The following SHLD2 variants were observed in gnomAD, a reference collection of about 807,000 sequenced individuals.
SHLD2 encodes RINN1-REV7-interacting novel NHEJ regulator 2.
Under a neutral mutation model 73.2 loss-of-function variants are expected in SHLD2, and 30 were observed. The observed-to-expected ratio is 0.41, with a 90% CI of 0.31 to 0.56. SHLD2 has a LOEUF of 0.56. Ranked by LOEUF, SHLD2 falls within the 20% of genes least tolerant of loss-of-function variation. The probability of loss-of-function intolerance (pLI) is 0.28; values close to 1 mark genes in which losing one functional copy is unlikely to be tolerated. For synonymous variants in SHLD2, 285 were observed against 370.1 expected (o/e 0.77, Z 2.64); for missense variants, 745 against 1,055.9 (o/e 0.71, Z 4.08).
chr10:87,134,910 G>T (rs927132492), intron 2 of SHLD2, among the ~76,000 whole-genome samples: 1 of 152,162 alleles, frequency 6.6e-6, no homozygotes, highest in Non-Finnish European at 1.5e-5. Context: ...CTGCACGAGG[G>T]CACCTGAGCT....
chr10:87,190,659 G>T lies in SHLD2; in HGVS notation c.2691G>T (p.Lys897Asn). The T allele has an allele frequency of 6.2e-7, 1 of 1,611,916 alleles. No individual in the cohort carries two copies. Among genetic ancestry groups the T allele is most frequent in the Non-Finnish European group, 8.5e-7 (1 of 1,179,824 alleles). The change falls in exon 10 of 10, where the codon AAG (lysine) becomes AAT (asparagine). Residue 897 changes from lysine to asparagine, a missense_variant. Physicochemically the swap from Lys to Asn is moderately conservative, Grantham distance 94. Coordinates refer to ENST00000298786, the MANE Select transcript of SHLD2 (RefSeq NM_001330112.2). ...TGGATTTTTATCCTGACATTGTAAA[G>T]CATGGAGCCAATGCCCGTCTCTGAG... The part of the protein sequence containing the change: ...SLLDFYPDIV[K>N]HGANARL
rs571903958 is a variant in SHLD2, at chr10:87,179,250, C to T, written c.2171-825C>T. On this transcript the variant is annotated intron_variant, in intron 7 of 9. Transcript: ENST00000298786. Reference sequence around the variant, plus strand: ...TATGCTTGAGGTTTCTTGTGAGTCACCTGAGAAACGATTAATAAATGAGAA... The same window carrying T: ...TATGCTTGAGGTTTCTTGTGAGTCATCTGAGAAACGATTAATAAATGAGAA... 1.5e-4 allele frequency among the ~76,000 whole-genome samples: 23 copies of T among 152,210 alleles called. No homozygotes were observed. The East Asian group carries it at 4.4e-3, about 29-fold the overall frequency.
At chr10:87,118,817 C>T (rs897726292) in intron 2 of SHLD2, among the ~76,000 whole-genome samples, 7 of 151,552 alleles carry the variant, frequency 4.6e-5, no homozygotes, top group African/African-American at 1.7e-4. Flanking sequence ...AAAATGACAG[C>T]TGTGTAGTGC....
At chr10:87,178,369 C>T (rs925166476) in intron 7 of SHLD2, among the ~76,000 whole-genome samples, 1 of 151,462 alleles carries the variant, frequency 6.6e-6, no homozygotes, top group African/African-American at 2.4e-5. Flanking sequence ...ATGTAACAAA[C>T]CTGCACATCT....
chr10:87,148,285 G>A (rs1335775317), intron 2 of SHLD2, among the ~76,000 whole-genome samples: 1 of 152,200 alleles, frequency 6.6e-6, no homozygotes, highest in Admixed American at 6.5e-5. Context: ...TGTTACGTAA[G>A]TGATTGAAGG....
chr10:87,167,819 A>G (rs533268547), intron 4 of SHLD2, among the ~76,000 whole-genome samples: 2 of 151,924 alleles, frequency 1.3e-5, no homozygotes, highest in Admixed American at 1.3e-4. Flanking sequence ...TAATTTTTGT[A>G]TTTTTTGTAG....
At chr10:87,180,546 T>C (rs1228025693) in intron 8 of SHLD2, among the ~76,000 whole-genome samples, 1 of 152,206 alleles carries the variant, frequency 6.6e-6, no homozygotes, top group Admixed American at 6.5e-5. Flanking sequence ...CAAACAGCTG[T>C]ACCAAAGAAA....
intron 9 of SHLD2, among the ~76,000 whole-genome samples, chr10:87,188,346 GTTT>G (rs1329964968): frequency 6.6e-6 from 1 of 151,868 alleles, no homozygotes; most frequent in Non-Finnish European, 1.5e-5. Flanking sequence ...GGATGGAGGG[GTTT>G]TTTTTCTTTT....
chr10:87,154,488 C>G (rs1169108246), intron 3 of SHLD2: 1 of 151,416 alleles, frequency 6.6e-6, no homozygotes, highest in African/African-American at 2.4e-5. Context: ...GCAGGTGATT[C>G]TCCTGCCTCA....
intron 2 of SHLD2, among the ~76,000 whole-genome samples, chr10:87,104,042 T>C (rs2133953372): frequency 6.6e-6 from 1 of 151,740 alleles, no homozygotes; most frequent in Non-Finnish European, 1.5e-5. Flanking sequence ...AAGACCAGCC[T>C]GGCCAACATG....
chr10:87,177,352 T>C (rs3127707), intron 7 of SHLD2, among the ~76,000 whole-genome samples: 98,318 of 146,890 alleles, frequency 0.67, 33,810 homozygotes, highest in Middle Eastern at 0.9. Context: ...GAGGCCACCA[T>C]GCTGATGATG....
At chr10:87,146,666 T>G (rs1845633214) in intron 2 of SHLD2, among the ~76,000 whole-genome samples, 1 of 151,916 alleles carries the variant, frequency 6.6e-6, no homozygotes, top group Non-Finnish European at 1.5e-5. Context: ...CCCAAGACAA[T>G]TCTCCTTCTT....
Position 87,182,327 on chromosome 10 carries a change from T to C in SHLD2, c.2399+2024T>C, listed in dbSNP as rs535327029. On this transcript the variant is annotated intron_variant, in intron 8 of 9. Coordinates refer to ENST00000298786, the MANE Select transcript of SHLD2 (RefSeq NM_001330112.2). ...ATACTAGTTGACCTAAGTAGACTTA[T>C]TGTGCCCAAGAAGCTTGGTAGTCCA... 4.6e-5 allele frequency among the ~76,000 whole-genome samples: 7 copies of C among 152,330 alleles called. No individual in the cohort carries two copies. The South Asian group carries it at 1.2e-3, about 27-fold the overall frequency.
intron 8 of SHLD2, among the ~76,000 whole-genome samples, chr10:87,181,630 T>C (rs1443746150): frequency 6.6e-6 from 1 of 150,872 alleles, no homozygotes; most frequent in Non-Finnish European, 1.5e-5. Flanking sequence ...CACCTGATTA[T>C]GGCATAACTA....
chr10:87,190,307 C>T (rs1158713399), intron 9 of SHLD2, among the ~76,000 whole-genome samples, 177 bp from the exon 10 acceptor site: 1 of 152,220 alleles, frequency 6.6e-6, no homozygotes, highest in African/African-American at 2.4e-5. Context: ...AATCCGGCTG[C>T]CTCCGTCTCC....
At chr10:87,166,435 C>T (rs1443072705) in intron 4 of SHLD2, among the ~76,000 whole-genome samples, 10 of 151,866 alleles carry the variant, frequency 6.6e-5, no homozygotes, top group African/African-American at 2.4e-4. Context: ...AAAGTATGTG[C>T]AAGACCTAAA....
intron 2 of SHLD2, among the ~76,000 whole-genome samples, chr10:87,148,865 CTAAG>C (rs938480337): frequency 6.7e-6 from 1 of 150,272 alleles, no homozygotes; most frequent in Non-Finnish European, 1.5e-5. Context: ...TTGCATATAT[CTAAG>C]TATTCCCACC....
intron 2 of SHLD2, among the ~76,000 whole-genome samples, chr10:87,109,701 G>T (rs1341878041): frequency 6.6e-6 from 1 of 152,104 alleles, no homozygotes; most frequent in Non-Finnish European, 1.5e-5. Flanking sequence ...CTTCCCCCAA[G>T]TTTTTATGTC....
intron 2 of SHLD2, among the ~76,000 whole-genome samples, chr10:87,116,017 A>C (rs1352126696): frequency 6.6e-6 from 1 of 152,226 alleles, no homozygotes; most frequent in Non-Finnish European, 1.5e-5. Flanking sequence ...GAAGATAAAA[A>C]TTTTAAGAGC....
Sources: gnomAD v4.1 joint callset for allele counts (sites outside exome capture counted in the v4.1 genomes callset) on GRCh38, gnomAD v4.1.1 for gene constraint, MANE v1.5 for transcripts, NCBI Gene and HGNC (gene_info 2026-07-23, HGNC 2026-07-21) for gene names.